RARB: variants seen among roughly 807,000 people sequenced by gnomAD.
The protein encoded by RARB is HBV-activated protein.
Under a neutral mutation model 51.9 loss-of-function variants are expected in RARB, and 17 were observed. The observed-to-expected ratio is 0.33, with a 90% confidence interval of 0.22 to 0.49. The LOEUF (loss-of-function observed/expected upper bound fraction) is 0.49. RARB is among the 20% of genes least tolerant of loss of function. RARB has a pLI of 0.99. For missense variants in RARB, 369 were observed against 550.8 expected (o/e 0.67, Z 3.30); for synonymous variants, 215 against 195.4 (o/e 1.10, Z -0.84).
exon 2 of RARB, chr3:24,858,747 A>T (rs1702681018): frequency 1.3e-5 from 2 of 152,166 alleles, no homozygotes; most frequent in Non-Finnish European, 2.9e-5. Flanking sequence ...AATCTTCAGC[A>T]AGGAGGTACG....
At chr3:25,468,896 TG>T (rs941500498) in intron 2 of RARB, among the ~76,000 whole-genome samples, 50 of 152,158 alleles carry the variant, frequency 3.3e-4, no homozygotes, top group Non-Finnish European at 6.5e-4. Flanking sequence ...AGCCAACCTT[TG>T]GGGGCCACAA....
In RARB at chr3:25,002,021, T is replaced by A. The variant is rs535492934; in HGVS notation, c.-379-58104T>A. Among the ~76,000 whole-genome samples the A allele has an allele frequency of 3.7e-4, 57 of 152,238 alleles. 1 individual carries two copies. The Middle Eastern group carries it at 0.01, about 27-fold the overall frequency. Reference sequence around the variant, plus strand: ...CCTGGGCCCAAGTGATCCATGCACCTCAGCCTCCCAGAGTGCTGGGATTAC... The same window carrying A: ...CCTGGGCCCAAGTGATCCATGCACCACAGCCTCCCAGAGTGCTGGGATTAC... On this transcript the variant is annotated intron_variant, in intron 2 of 11. Transcript: ENST00000383772.
rs575547049 is a variant in RARB, at chr3:25,233,044, C to G, written c.178+58469C>G. Among the ~76,000 whole-genome samples, 4 of 140,420 alleles carry G rather than the reference C, an allele frequency of 2.8e-5. No individual in the cohort carries two copies. In the Admixed American group the frequency reaches 3.0e-4, roughly 11 times the overall value. The allele number at this position is 140,420 out of a possible 152,430, so 92.1% of individuals were successfully genotyped here. A position where few individuals can be genotyped will look rare whatever the true frequency, so the allele number is the denominator to read the frequency against. On this transcript the variant is annotated intron_variant, in intron 5 of 11. Transcript: ENST00000383772. ...AGGCTGGAGTGCAGTGGTGCAATCT[C>G]AGCTTACTGCAACCTCTGTCTTCTG...
intron 3 of RARB, among the ~76,000 whole-genome samples, chr3:25,526,096 A>T (rs1157384509): frequency 6.6e-6 from 1 of 152,244 alleles, no homozygotes; most frequent in Non-Finnish European, 1.5e-5. Context: ...GGACTGGCTG[A>T]TGAGGGAAGC....
chr3:25,494,276 C>CACACACACACACACAT (rs1225872441), intron 2 of RARB, among the ~76,000 whole-genome samples: 1 of 144,820 alleles, frequency 6.9e-6, no homozygotes, highest in Non-Finnish European at 1.6e-5. Context: ...CACACACACA[C>CACACACACACACACAT]ACATGCCATC....
At chr3:25,575,317 A>G (rs1397168862) in intron 4 of RARB, among the ~76,000 whole-genome samples, 6 of 152,096 alleles carry the variant, frequency 3.9e-5, no homozygotes, top group African/African-American at 1.4e-4. Flanking sequence ...CCCATCCACG[A>G]CCCAGGGCTT....
At chr3:25,181,227 G>C (rs754529657) in intron 5 of RARB, among the ~76,000 whole-genome samples, 2 of 152,066 alleles carry the variant, frequency 1.3e-5, no homozygotes, top group Non-Finnish European at 2.9e-5. Context: ...TTGCTCTTTG[G>C]CCCTTCAGGA....
At chr3:25,487,472 C>CT (rs57189635) in intron 2 of RARB, among the ~76,000 whole-genome samples, 37 of 142,272 alleles carry the variant, frequency 2.6e-4, no homozygotes, top group Middle Eastern at 7.4e-3. Flanking sequence ...ATGTCCGGCA[C>CT]TTTTTTTTTT....
intron 5 of RARB, among the ~76,000 whole-genome samples, chr3:25,345,698 A>T (rs975860205): frequency 1.3e-5 from 2 of 151,512 alleles, no homozygotes; most frequent in Non-Finnish European, 2.9e-5. Context: ...TCATCAAAGG[A>T]CTAAATTTAA....
intron 1 of RARB, among the ~76,000 whole-genome samples, chr3:24,852,033 T>C (rs1270201382): frequency 6.6e-6 from 1 of 152,360 alleles, no homozygotes; most frequent in East Asian, 1.9e-4. Flanking sequence ...TTTTGTGGCA[T>C]TGAATTCAGA....
At chr3:24,961,631 C>T (rs1265904886) in intron 2 of RARB, among the ~76,000 whole-genome samples, 2 of 87,924 alleles carry the variant, frequency 2.3e-5, no homozygotes, top group South Asian at 3.6e-4. Context: ...GGAGGGAGGG[C>T]GGGGCATGGA....
intron 3 of RARB, among the ~76,000 whole-genome samples, chr3:25,073,511 T>C (rs537113099): frequency 1.3e-5 from 2 of 152,316 alleles, no homozygotes; most frequent in South Asian, 4.1e-4. Context: ...GTTAGGTTTC[T>C]TTATTGCAGG....
At chr3:25,279,190 C>T (rs1448640666) in intron 5 of RARB, among the ~76,000 whole-genome samples, 3 of 152,156 alleles carry the variant, frequency 2.0e-5, no homozygotes, top group Non-Finnish European at 4.4e-5. Context: ...CTTGTCTTGT[C>T]CAGGGACATA....
At position 25,299,984 on chromosome 3, in the gene RARB, G is replaced by A. The variant is rs554817941; in HGVS notation, c.178+125409G>A. 8.5e-5 allele frequency among the ~76,000 whole-genome samples: 13 copies of A among 152,312 alleles called. No individual in the cohort carries two copies. The South Asian group carries it at 1.9e-3, about 22-fold the overall frequency. On this transcript the variant is annotated intron_variant, in intron 5 of 11. Coordinates refer to the RARB transcript ENST00000383772. ...TACAACTGTGCATAGCATTAAATAT[G>A]TGTTAAATTGATTTTTTTAATTCAT...
intron 5 of RARB, among the ~76,000 whole-genome samples, chr3:25,322,831 C>T (rs1704610797): frequency 6.6e-6 from 1 of 152,138 alleles, no homozygotes; most frequent in South Asian, 2.1e-4. Context: ...AGTTGGAAAT[C>T]CCTGCTCTAA....
intron 5 of RARB, among the ~76,000 whole-genome samples, chr3:25,197,853 C>G (rs1701283759): frequency 6.6e-6 from 1 of 151,946 alleles, no homozygotes; most frequent in South Asian, 2.1e-4. Context: ...AATCTTCATA[C>G]TACGCGAAGC....
intron 2 of RARB, among the ~76,000 whole-genome samples, chr3:24,874,957 C>G (rs546990789): frequency 7.2e-4 from 109 of 152,112 alleles, no homozygotes; most frequent in African/African-American, 2.6e-3. Flanking sequence ...GACAATTATG[C>G]CTAACACATA....
At chr3:25,452,595 A>G (rs1357127835) in intron 1 of RARB, among the ~76,000 whole-genome samples, 3 of 152,174 alleles carry the variant, frequency 2.0e-5, no homozygotes, top group Non-Finnish European at 4.4e-5. Context: ...AGGCCTGACC[A>G]GAGCAAACCC....
intron 5 of RARB, among the ~76,000 whole-genome samples, chr3:25,271,805 T>C (rs946994374): frequency 4.6e-5 from 7 of 152,356 alleles, no homozygotes; most frequent in African/African-American, 1.7e-4. Flanking sequence ...AAAACCATTT[T>C]CTAGTAAGGC....
Sources: gnomAD v4.1 joint callset for allele counts (sites outside exome capture counted in the v4.1 genomes callset) on GRCh38, gnomAD v4.1.1 for gene constraint, MANE v1.5 for transcripts, NCBI Gene and HGNC (gene_info 2026-07-23, HGNC 2026-07-21) for gene names.